The following TTC28 variants were observed in gnomAD, a reference collection of about 807,000 sequenced individuals.
TTC28 encodes tetratricopeptide repeat protein 28.
TTC28 carries 61 observed loss-of-function variants against 198.0 expected under a neutral mutation model. The observed-to-expected ratio is 0.31, with a 90% CI of 0.25 to 0.38. The LOEUF is 0.38. Among genes scored for constraint, TTC28 ranks in the 10% least tolerant of loss-of-function variants. The pLI, the probability that TTC28 is intolerant of heterozygous loss-of-function variation, is 1.00. For missense variants in TTC28, 2,678 were observed against 3,164.0 expected (o/e 0.85, Z 3.69); for synonymous variants, 1,171 against 1,297.8 (o/e 0.90, Z 2.10).
At chr22:28,387,864 C>A (rs995493912) in intron 2 of TTC28, among the ~76,000 whole-genome samples, 1 of 152,150 alleles carries the variant, frequency 6.6e-6, no homozygotes, top group Admixed American at 6.5e-5. Context: ...TCCCATTTGT[C>A]AATTTTGGCT....
chr22:28,096,460 G>A, intron 10 of TTC28, 52 bp from the exon 11 acceptor site: 1 of 1,538,614 alleles, frequency 6.5e-7, no homozygotes, highest in African/African-American at 1.4e-5. Flanking sequence ...TGCTTACTTA[G>A]AGAGGCCTAT....
intron 12 of TTC28, among the ~76,000 whole-genome samples, chr22:28,068,669 G>A (rs1940851256): frequency 6.6e-6 from 1 of 151,914 alleles, no homozygotes; most frequent in African/African-American, 2.4e-5. Flanking sequence ...GGGGAGTTCA[G>A]GGAATTGTAT....
chr22:28,243,419 T>C (rs913152413), intron 5 of TTC28, among the ~76,000 whole-genome samples: 16 of 148,130 alleles, frequency 1.1e-4, no homozygotes, highest in Admixed American at 3.4e-4. Context: ...CTCTTTTTTT[T>C]CCCTTTTTTT....
intron 2 of TTC28, among the ~76,000 whole-genome samples, chr22:28,384,586 A>T (rs1255280410): frequency 6.6e-6 from 1 of 152,232 alleles, no homozygotes; most frequent in African/African-American, 2.4e-5. Context: ...GTATGCATTC[A>T]ATACGTGGTG....
intron 5 of TTC28, among the ~76,000 whole-genome samples, chr22:28,294,936 A>G (rs1227834247): frequency 6.6e-6 from 1 of 152,176 alleles, no homozygotes; most frequent in Non-Finnish European, 1.5e-5. Context: ...ATGCTGTTTT[A>G]CTTCTTAAAC....
chr22:28,068,610 T>C (rs1940849655), intron 12 of TTC28, among the ~76,000 whole-genome samples: 1 of 152,122 alleles, frequency 6.6e-6, no homozygotes, highest in South Asian at 2.1e-4. Flanking sequence ...ATGCAACAGA[T>C]CCAAGTCTGT....
Position 28,612,551 on chromosome 22 carries a change from C to G in TTC28, c.381+17001G>C, listed in dbSNP as rs150636444. Among the ~76,000 whole-genome samples, 4 of 152,258 alleles carry G rather than the reference C, an allele frequency of 2.6e-5. No individual in the cohort carries two copies. In the East Asian group the frequency reaches 7.7e-4, roughly 29 times the overall value. On this transcript the variant is annotated intron_variant, in intron 2 of 22. Transcript: ENST00000397906. The stretch of plus-strand genomic sequence containing the variant: ...CTTCTCAGCACCACATCACACATCA[C>G]ACTTATTCCAAAATTGACCACATAG...
chr22:28,175,032 A>C lies in TTC28; in HGVS notation c.934-11433T>G, dbSNP rs543913941. On this transcript the variant is annotated intron_variant, in intron 5 of 22. Coordinates refer to ENST00000397906, the MANE Select transcript of TTC28 (RefSeq NM_001145418.2). The stretch of plus-strand genomic sequence containing the variant: ...AAATAAGGTAGTCTCTTAAAAAAAA[A>C]AAAAAAGGACTGGGAAAATTTAATA... Among the ~76,000 whole-genome samples, 56 of 152,222 alleles carry C rather than the reference A, an allele frequency of 3.7e-4. No individual in the cohort carries two copies. The South Asian group carries it at 7.5e-3, about 20-fold the overall frequency.
In TTC28 at chr22:28,458,511, AAAACATCT is replaced by A. The variant is rs1222161111; in HGVS notation, c.382-151876_382-151869del. On this transcript the variant is annotated intron_variant, in intron 2 of 22. Coordinates refer to ENST00000397906, the MANE Select transcript of TTC28 (RefSeq NM_001145418.2). Reference sequence around the variant, plus strand: ...AACAAATCAGAATGTGGTAAAGACAAAAACATCTAAGATATGTTCCTGAATATGAGGCC... The same window carrying A: ...AACAAATCAGAATGTGGTAAAGACAAAAGATATGTTCCTGAATATGAGGCC... Among the ~76,000 whole-genome samples the A allele has an allele frequency of 1.5e-4, 23 of 152,340 alleles. No individual in the cohort carries two copies. In the East Asian group the frequency reaches 4.2e-3, roughly 28 times the overall value.
chr22:28,324,009 C>A (rs2145854893), intron 2 of TTC28, among the ~76,000 whole-genome samples: 1 of 152,262 alleles, frequency 6.6e-6, no homozygotes, highest in South Asian at 2.1e-4. Context: ...AATAGTATAT[C>A]TGGTGAAAAT....
intron 1 of TTC28, among the ~76,000 whole-genome samples, chr22:28,654,660 T>C (rs1475697045): frequency 6.6e-6 from 1 of 152,194 alleles, no homozygotes; most frequent in African/African-American, 2.4e-5. Context: ...CACTCCTTTC[T>C]TTCCCTTCCC....
intron 2 of TTC28, among the ~76,000 whole-genome samples, chr22:28,408,622 C>T (rs974539123): frequency 1.3e-5 from 2 of 152,206 alleles, no homozygotes; most frequent in Non-Finnish European, 2.9e-5. Flanking sequence ...AACTCCTGAC[C>T]TCATGATCCA....
intron 5 of TTC28, among the ~76,000 whole-genome samples, chr22:28,267,878 T>C (rs1276067910): frequency 6.6e-6 from 1 of 152,224 alleles, no homozygotes; most frequent in Non-Finnish European, 1.5e-5. Context: ...TCCAATGTAA[T>C]AGGACAGGAC....
At chr22:28,180,656 C>T (rs897505935) in intron 5 of TTC28, among the ~76,000 whole-genome samples, 7 of 151,998 alleles carry the variant, frequency 4.6e-5, no homozygotes, top group Admixed American at 1.3e-4. Context: ...TTGCTCCCAC[C>T]GATTCTTCTT....
intron 2 of TTC28, among the ~76,000 whole-genome samples, chr22:28,556,463 T>C (rs1475769982): frequency 2.0e-5 from 3 of 152,204 alleles, no homozygotes; most frequent in African/African-American, 7.2e-5. Flanking sequence ...GCAGATACTA[T>C]AGCTTCCACG....
intron 1 of TTC28, among the ~76,000 whole-genome samples, chr22:28,662,783 G>A (rs999427384): frequency 4.6e-5 from 7 of 152,102 alleles, no homozygotes; most frequent in Non-Finnish European, 7.4e-5. Flanking sequence ...GTGAATATTA[G>A]GAAGCAATGG....
chr22:28,618,359 A>G (rs758689833), intron 2 of TTC28, among the ~76,000 whole-genome samples: 2 of 152,022 alleles, frequency 1.3e-5, no homozygotes, highest in Non-Finnish European at 2.9e-5. Flanking sequence ...AAGTTAGTGG[A>G]CACAAGTGCA....
At chr22:28,419,163 T>A (rs544532740) in intron 2 of TTC28, among the ~76,000 whole-genome samples, 2 of 152,258 alleles carry the variant, frequency 1.3e-5, no homozygotes, top group African/African-American at 2.4e-5. Flanking sequence ...TAACTAAGAA[T>A]CCTGTATAAC....
intron 2 of TTC28, among the ~76,000 whole-genome samples, chr22:28,542,641 GT>G (rs1220938279): frequency 6.6e-6 from 1 of 151,964 alleles, no homozygotes; most frequent in Non-Finnish European, 1.5e-5. Flanking sequence ...GAGCTTTCAG[GT>G]TAATCCTGAA....
Sources: gnomAD v4.1 joint callset for allele counts (sites outside exome capture counted in the v4.1 genomes callset) on GRCh38, gnomAD v4.1.1 for gene constraint, MANE v1.5 for transcripts, NCBI Gene and HGNC (gene_info 2026-07-23, HGNC 2026-07-21) for gene names.